Variants in RAB11FIP1 observed in about 807,000 individuals in gnomAD.
RAB11FIP1 encodes the protein rab11 family-interacting protein 1.
Under a neutral mutation model 83.1 loss-of-function variants are expected in RAB11FIP1, and 49 were observed. The ratio of observed to expected loss-of-function variants is 0.59; its 90% CI spans 0.47 to 0.75. RAB11FIP1 has a LOEUF of 0.75. Ranked by LOEUF, RAB11FIP1 falls within the 30% of genes least tolerant of loss-of-function variation. The pLI, the probability that RAB11FIP1 is intolerant of heterozygous loss-of-function variation, is 0.00. For synonymous variants in RAB11FIP1, 670 were observed against 656.0 expected (o/e 1.02, Z -0.33); for missense variants, 1,536 against 1,598.7 (o/e 0.96, Z 0.67).
At chr8:37,869,525 G>T (rs1806407256) in intron 5 of RAB11FIP1, among the ~76,000 whole-genome samples, 1 of 152,156 alleles carries the variant, frequency 6.6e-6, no homozygotes, top group African/African-American at 2.4e-5. Context: ...CCAGGAGGGG[G>T]AGGTTGCAGT....
chr8:37,871,286 G>T lies in RAB11FIP1; in HGVS notation c.3516C>A (p.Ala1172=), dbSNP rs779288347. The change falls in exon 4 of 6, where the codon GCC becomes GCA. Residue 1172 remains alanine (A), a synonymous_variant. Transcript: ENST00000330843. ...TCTCCCCCATCTCTCACCTGTGCTT[G>T]GCTGACCCAGTTCCAGCGCCTGGCT... The part of the protein sequence containing the change: ...SAQPGAGTGS[A]KHRLHPVKPM... 3 of 1,608,472 alleles carry T rather than the reference G, an allele frequency of 1.9e-6. No homozygotes were observed. Among genetic ancestry groups the T allele is most frequent in the South Asian group, 2.2e-5 (2 of 90,316 alleles).
chr8:37,890,285 A>G (rs1200882758), intron 1 of RAB11FIP1, among the ~76,000 whole-genome samples: 1 of 152,192 alleles, frequency 6.6e-6, no homozygotes, highest in African/African-American at 2.4e-5. Context: ...CAGGCTTTCT[A>G]GAGGCCTTAA....
intron 1 of RAB11FIP1, 150 bp downstream of exon 1, chr8:37,898,921 G>T: frequency 1.2e-6 from 1 of 808,674 alleles, no homozygotes; most frequent in Non-Finnish European, 1.8e-6. Flanking sequence ...GGGAAGCCAG[G>T]TGAGAACACC....
In RAB11FIP1 at chr8:37,885,280, C is replaced by T. The variant is rs183237986; in HGVS notation, c.372-7729G>A. Among the ~76,000 whole-genome samples, 329 of 152,274 alleles carry T rather than the reference C, an allele frequency of 2.2e-3. 11 individuals carry two copies. The highest frequency in any genetic ancestry group is 0.021 in the Admixed American group (321 of 15,282). On this transcript the variant is annotated intron_variant, in intron 1 of 5. Coordinates refer to ENST00000330843, the MANE Select transcript of RAB11FIP1 (RefSeq NM_001002814.3). ...AAAGTGCTGGGATTACAGGTGTGAG[C>T]CAGAAGGCCCGGCCCCCAGCCTATA... is the stretch of plus-strand genomic sequence containing the variant.
At position 37,872,675 on chromosome 8, in the gene RAB11FIP1, G is replaced by A. The variant is rs1806501828; in HGVS notation, c.2127C>T (p.Phe709=). ...GGCTGTAGTCTTGTTTTTTGCAGGG[G>A]AATCTCGGAAGTTCTTCCTCTTGTC... is the stretch of plus-strand genomic sequence containing the variant. The part of the protein sequence containing the change: ...TGRQEEELPR[F]PCKKQDYSPS... The change falls in exon 4 of 6, where the codon TTC becomes TTT. Residue 709 remains phenylalanine, a synonymous_variant. Transcript: ENST00000330843. 3 of 1,614,208 alleles carry A rather than the reference G, an allele frequency of 1.9e-6. No individual in the cohort carries two copies. The highest frequency in any genetic ancestry group is 3.3e-5 in the Admixed American group (2 of 60,018).
At chr8:37,884,326 G>C (rs149237823) in intron 1 of RAB11FIP1, among the ~76,000 whole-genome samples, 1,534 of 151,978 alleles carry the variant, frequency 0.01, 27 homozygotes, top group African/African-American at 0.034. Context: ...GCCTCCCAAA[G>C]TGCTGGGAAT....
chr8:37,873,286 G>A (rs1032606587), intron 3 of RAB11FIP1, 107 bp from the exon 4 acceptor site: 14 of 1,244,400 alleles, frequency 1.1e-5, no homozygotes, highest in East Asian at 9.8e-5. Context: ...GTCTTTACAC[G>A]TGGGGCAGTA....
Position 37,872,335 on chromosome 8 carries a change from C to T in RAB11FIP1, c.2467G>A (p.Gly823Arg). 1.9e-6 allele frequency: 3 copies of T among 1,614,212 alleles called. No individual in the cohort carries two copies. The highest frequency in any genetic ancestry group is 2.5e-6 in the Non-Finnish European group (3 of 1,180,032). The change falls in exon 4 of 6, where the codon GGG (glycine) becomes AGG (arginine). Residue 823 changes from glycine (G) to arginine (R), a missense_variant. Gly to Arg is a moderately radical substitution (Grantham distance 125). Coordinates refer to ENST00000330843, the MANE Select transcript of RAB11FIP1 (RefSeq NM_001002814.3). ...TGTCCTTCCACCAGCAAGGCAGCCC[C>T]CGCCACTGCCTCTTCCGTGAAGAGC... ...EQLFTEEAVA[G>R]AALLVEGHSS...
intron 3 of RAB11FIP1, among the ~76,000 whole-genome samples, chr8:37,874,056 C>T (rs1806547364): frequency 6.6e-6 from 1 of 152,324 alleles, no homozygotes; most frequent in East Asian, 1.9e-4. Context: ...CACAAAGAAC[C>T]GTCACTGTCA....
At position 37,870,462 on chromosome 8, in the gene RAB11FIP1, G is replaced by A. The variant is rs1221215131; in HGVS notation, c.3591C>T (p.Ala1197=). 1.2e-6 allele frequency: 2 copies of A among 1,611,228 alleles called. No homozygotes were observed. Among genetic ancestry groups the A allele is most frequent in the African/African-American group, 1.3e-5 (1 of 74,824 alleles). ...TGTTCAAGTTCTCACTGATGATGGT[G>A]GCAGTTCCCAAGCTGCAGTTAGCAA... ...TKVANCSLGT[A]TIISENLNNE... is the part of the protein sequence containing the mutation. The change falls in exon 5 of 6, where the codon GCC becomes GCT. Residue 1197 remains alanine (A), a synonymous_variant. Transcript: ENST00000330843.
Position 37,871,338 on chromosome 8 carries a change from G to C in RAB11FIP1, c.3464C>G (p.Pro1155Arg), listed in dbSNP as rs752345117. The C allele has an allele frequency of 6.2e-7, 1 of 1,614,084 alleles. No individual in the cohort carries two copies. The highest frequency in any genetic ancestry group is 1.1e-5 in the South Asian group (1 of 91,076). Residue 1155 changes from proline to arginine, a missense_variant, in exon 4 of 6, where the codon CCC (proline) becomes CGC (arginine). Transcript: ENST00000330843. ...RKPLLQAWVS[P>R]SETHPVSAQP... Reference sequence around the variant, plus strand: ...AGCTGAGACTGGATGTGTCTCCGAGGGTGAGACCCAGGCCTGGAGGAGTGG... The same window carrying C: ...AGCTGAGACTGGATGTGTCTCCGAGCGTGAGACCCAGGCCTGGAGGAGTGG...
intron 5 of RAB11FIP1, among the ~76,000 whole-genome samples, chr8:37,863,481 C>G (rs1806283385): frequency 6.6e-6 from 1 of 152,140 alleles, no homozygotes; most frequent in African/African-American, 2.4e-5. Flanking sequence ...CTCCTGACCC[C>G]AGGTGATCCG....
At chr8:37,869,583 C>A (rs955299851) in intron 5 of RAB11FIP1, among the ~76,000 whole-genome samples, 9 of 151,792 alleles carry the variant, frequency 5.9e-5, no homozygotes, top group African/African-American at 1.9e-4. Flanking sequence ...CAGAGTGAGA[C>A]GCCATCTCAA....
rs1211917541 is a variant in RAB11FIP1, at chr8:37,877,429, T to A, written c.494A>T (p.Lys165Met). 6.2e-7 allele frequency: 1 copy of A among 1,614,030 alleles called. No homozygotes were observed. The highest frequency in any genetic ancestry group is 1.3e-5 in the African/African-American group (1 of 74,916). Residue 165 changes from lysine to methionine, a missense_variant, in exon 2 of 6, where the codon AAG (lysine) becomes ATG (methionine). Lys to Met is a moderately conservative substitution (Grantham distance 95). Transcript: ENST00000330843. ...ASMFDLSMKD[K>M]SRNPFGKLKD... is the part of the protein sequence containing the mutation. ...CAGCTTTCCAAATGGATTCCGAGAC[T>A]TGTCTTTCATAGAAAGGTCAAACAT...
Position 37,871,418 on chromosome 8 carries a change from T to G in RAB11FIP1, c.3384A>C (p.Lys1128Asn). The change falls in exon 4 of 6, where the codon AAA becomes AAC. Residue 1128 changes from lysine to asparagine, a missense_variant. Coordinates refer to ENST00000330843, the MANE Select transcript of RAB11FIP1 (RefSeq NM_001002814.3). ...THHTSTAESQ[K>N]KATAEGSAGR... ...CAGCGGAGCCCTCTGCTGTGGCTTTTTTTTGAGATTCTGCTGTGCTGGTGT... is the reference window on the plus strand; with the variant it reads ...CAGCGGAGCCCTCTGCTGTGGCTTTGTTTTGAGATTCTGCTGTGCTGGTGT... 1 of 1,614,194 alleles carries G rather than the reference T, an allele frequency of 6.2e-7. No individual in the cohort carries two copies. Among genetic ancestry groups the G allele is most frequent in the Non-Finnish European group, 8.5e-7 (1 of 1,180,040 alleles).
At chr8:37,888,549 G>A (rs1462959866) in intron 1 of RAB11FIP1, among the ~76,000 whole-genome samples, 3 of 151,956 alleles carry the variant, frequency 2.0e-5, no homozygotes, top group African/African-American at 7.3e-5. Context: ...TGCCATCACG[G>A]CTCACTGCAG....
In RAB11FIP1 at chr8:37,899,020, G is replaced by T; in HGVS notation, c.371+51C>A. ...GGTCCAGCGCCCAGACCGCCCTGCC[G>T]GAGGGGTCCGCGCCCCCAGGCCGGG... On this transcript the variant is annotated intron_variant, in intron 1 of 5. Coordinates refer to ENST00000330843, the MANE Select transcript of RAB11FIP1 (RefSeq NM_001002814.3). This position sits in a 1 kb window ranked among gnomAD's most constrained non-coding sequence, Gnocchi z 4.5. The T allele has an allele frequency of 1.4e-6, 2 of 1,415,204 alleles. No homozygotes were observed. Among genetic ancestry groups the T allele is most frequent in the Non-Finnish European group, 1.8e-6 (2 of 1,093,686 alleles). The allele number at this position is 1,415,204 out of a possible 1,614,324, so 87.7% of individuals were successfully genotyped here.
intron 1 of RAB11FIP1, among the ~76,000 whole-genome samples, chr8:37,882,068 G>A (rs887340896): frequency 6.6e-6 from 1 of 152,140 alleles, no homozygotes; most frequent in African/African-American, 2.4e-5. Context: ...CTCACCAACC[G>A]CAGGCGGGCA....
intron 1 of RAB11FIP1, among the ~76,000 whole-genome samples, chr8:37,885,404 TCA>T (rs1312682104): frequency 1.3e-5 from 2 of 152,114 alleles, no homozygotes; most frequent in African/African-American, 4.8e-5. Context: ...CCCATGCCCC[TCA>T]GTCTCCATAC....
Sources: allele counts gnomAD v4.1 joint callset (sites outside exome capture counted in the v4.1 genomes callset), GRCh38; gene constraint gnomAD v4.1.1; non-coding constraint Gnocchi (gnomAD v3.1); transcripts MANE v1.5; gene names NCBI Gene and HGNC (gene_info 2026-07-23, HGNC 2026-07-21).